The following INTU variants were observed in gnomAD, a reference collection of about 807,000 sequenced individuals.
INTU encodes the protein inturned planar cell polarity protein, also known as protein inturned.
INTU carries 68 observed loss-of-function variants against 100.5 expected under a neutral mutation model. The ratio of observed to expected loss-of-function variants is 0.68; its 90% CI spans 0.56 to 0.83. The LOEUF (loss-of-function observed/expected upper bound fraction) is 0.83, where lower values mean the gene tolerates loss of function less well. INTU is among the 40% of genes least tolerant of loss of function. The pLI is 0.00. For synonymous variants in INTU, 357 were observed against 395.7 expected, an observed-to-expected ratio of 0.90 and a Z score of 1.16; for missense variants, 1,071 against 1,114.7, an observed-to-expected ratio of 0.96 and a Z score of 0.56.
chr4:127,687,951 G>T, intron 8 of INTU, 84 bp downstream of exon 8: 1 of 963,056 alleles, frequency 1.0e-6, no homozygotes, highest in South Asian at 3.2e-5. Flanking sequence ...TAGACTTTTT[G>T]TTATTTTTGG....
intron 1 of INTU, among the ~76,000 whole-genome samples, chr4:127,633,660 G>A (rs1726943719): frequency 6.6e-6 from 1 of 152,088 alleles, no homozygotes; most frequent in African/African-American, 2.4e-5. Flanking sequence ...ATAACAGAAG[G>A]AACGCCCACC....
At chr4:127,714,671 A>G (rs1304052027) in intron 15 of INTU, among the ~76,000 whole-genome samples, 1 of 152,096 alleles carries the variant, frequency 6.6e-6, no homozygotes, top group Non-Finnish European at 1.5e-5. Flanking sequence ...TTCCCTCATC[A>G]AAGTGGCTAC....
intron 15 of INTU, 75 bp downstream of exon 15, chr4:127,714,168 T>C: frequency 8.0e-7 from 1 of 1,256,224 alleles, no homozygotes; most frequent in South Asian, 1.5e-5. Flanking sequence ...AGATTAACAT[T>C]TTAAAATGTA....
At position 127,705,610 on chromosome 4, in the gene INTU, A is replaced by G. The variant is rs754131817; in HGVS notation, c.1586A>G (p.His529Arg). 27 of 1,613,754 alleles carry G rather than the reference A, an allele frequency of 1.7e-5. No homozygotes were observed. Among genetic ancestry groups the G allele is most frequent in the Non-Finnish European group, 1.9e-5 (23 of 1,179,834 alleles). The change falls in exon 11 of 16, where the codon CAT (histidine) becomes CGT (arginine). Residue 529 changes from histidine to arginine, a missense_variant. Physicochemically the swap from His to Arg is conservative, Grantham distance 29 (BLOSUM62 0). Coordinates refer to ENST00000335251, the MANE Select transcript of INTU (RefSeq NM_015693.4). ...LFYKGYLICSHLPKDDLIDIA... is the reference protein window; with the variant it reads ...LFYKGYLICSRLPKDDLIDIA... ...TTCAAGGGTTATTTGATATGCAGTC[A>G]TTTGCCCAAGGATGATCTTATTGAT... is the stretch of plus-strand genomic sequence containing the variant.
chr4:127,676,323 C>A (rs1287014684), intron 6 of INTU, among the ~76,000 whole-genome samples: 1 of 152,126 alleles, frequency 6.6e-6, no homozygotes, highest in Non-Finnish European at 1.5e-5. Flanking sequence ...CAGTGGCTCA[C>A]ACCTATAATC....
chr4:127,705,500 CG>C (rs1168530556), intron 10 of INTU, 90 bp from the exon 11 acceptor site: 1 of 933,676 alleles, frequency 1.1e-6, no homozygotes. Flanking sequence ...TCTAAACCAA[CG>C]GAAGAAGTGT....
chr4:127,705,896 G>A (rs576923152), intron 11 of INTU, 84 bp downstream of exon 11: 40 of 907,006 alleles, frequency 4.4e-5, no homozygotes, highest in Non-Finnish European at 6.4e-5. Flanking sequence ...GGGATGCAGC[G>A]GTAGGTAGGT....
chr4:127,657,209 G>A (rs1728271897), intron 3 of INTU, among the ~76,000 whole-genome samples: 2 of 151,756 alleles, frequency 1.3e-5, no homozygotes, highest in East Asian at 1.9e-4. Flanking sequence ...GGCTACTTAA[G>A]GAATTATTTT....
chr4:127,724,822 A>T lies in INTU; in HGVS notation c.*8386A>T, dbSNP rs1468793196. 6.6e-5 allele frequency: 10 copies of T among 152,136 alleles called. No homozygotes were observed. Among genetic ancestry groups the T allele is most frequent in the Non-Finnish European group, 1.5e-4 (10 of 68,026 alleles). The allele number at this position is 152,136 out of a possible 1,614,324, so 9.4% of individuals were successfully genotyped here. The stretch of plus-strand genomic sequence containing the variant: ...TGCAAAACACTGGGTGTACCATTTG[A>T]GTCATTTGGTCTTAAAAGAAACACT... On this transcript the variant is annotated 3_prime_UTR_variant, in exon 16 of 16. Transcript: ENST00000335251.
At chr4:127,711,162 C>T in intron 14 of INTU, 60 bp downstream of exon 14, 1 of 1,251,640 alleles carries the variant, frequency 8.0e-7, no homozygotes, top group Non-Finnish European at 1.1e-6. Context: ...TCTAAGCATT[C>T]TGTTATCTAA....
At chr4:127,714,289 A>T (rs906392827) in intron 15 of INTU, among the ~76,000 whole-genome samples, 196 bp downstream of exon 15, 2 of 151,674 alleles carry the variant, frequency 1.3e-5, no homozygotes, top group African/African-American at 4.9e-5. Flanking sequence ...TATCTTACAA[A>T]ATTAAATTTC....
chr4:127,644,022 G>A lies in INTU; in HGVS notation c.648G>A (p.Gly216=), dbSNP rs758559870. 3 of 1,614,074 alleles carry A rather than the reference G, an allele frequency of 1.9e-6. No individual in the cohort carries two copies. Among genetic ancestry groups the A allele is most frequent in the Middle Eastern group, 1.7e-4 (1 of 6,058 alleles). The stretch of plus-strand genomic sequence containing the variant: ...TTGTGGTTCATGGCCTGCTGCCAGG[G>A]GGATCTGCTATGAAGAGCGGTCAGG... ...ERLVVHGLLP[G]GSAMKSGQVL... The change falls in exon 2 of 16, where the codon GGG becomes GGA. Residue 216 remains glycine (G), a synonymous_variant. Transcript: ENST00000335251.
intron 2 of INTU, among the ~76,000 whole-genome samples, chr4:127,656,314 T>C (rs1728220522): frequency 6.6e-6 from 1 of 152,234 alleles, no homozygotes; most frequent in Non-Finnish European, 1.5e-5. Flanking sequence ...TGGTTCATGC[T>C]AACAAATTTT....
chr4:127,640,963 G>A (rs950890103), intron 1 of INTU, among the ~76,000 whole-genome samples: 8 of 151,824 alleles, frequency 5.3e-5, no homozygotes, highest in Admixed American at 2.0e-4. Context: ...ACTCACAAAA[G>A]GATGCATGAA....
chr4:127,674,324 G>A (rs753267930), intron 6 of INTU, 111 bp downstream of exon 6: 11 of 801,958 alleles, frequency 1.4e-5, no homozygotes, highest in Middle Eastern at 2.6e-4. Flanking sequence ...CAGTTTTACA[G>A]TTTAAAGATC....
intron 2 of INTU, among the ~76,000 whole-genome samples, chr4:127,650,055 T>TACC (rs1297970367): frequency 1.3e-5 from 2 of 152,210 alleles, no homozygotes; most frequent in Non-Finnish European, 2.9e-5. Context: ...AGGAAATTTT[T>TACC]ACCAAACATG....
Position 127,710,910 on chromosome 4 carries a change from A to G in INTU, c.2370-3A>G. On this transcript the variant is annotated splice_polypyrimidine_tract_variant and splice_region_variant and intron_variant, in intron 13 of 15. Coordinates refer to ENST00000335251, the MANE Select transcript of INTU (RefSeq NM_015693.4). ...CTTCTCTTTGATTTTTTTTCTTTTT[A>G]AGACTGACATCTGGTCCTGAGAACA... The G allele has an allele frequency of 2.1e-6, 3 of 1,419,536 alleles. No individual in the cohort carries two copies. The highest frequency in any genetic ancestry group is 2.8e-6 in the Non-Finnish European group (3 of 1,072,722). The allele number at this position is 1,419,536 out of a possible 1,614,324, so 87.9% of individuals were successfully genotyped here. A position where few individuals can be genotyped will look rare whatever the true frequency, so the allele number is the denominator to read the frequency against.
At chr4:127,651,333 A>G (rs2126186387) in intron 2 of INTU, among the ~76,000 whole-genome samples, 1 of 151,918 alleles carries the variant, frequency 6.6e-6, no homozygotes, top group Admixed American at 6.5e-5. Flanking sequence ...GTTTTCTTCT[A>G]GGGTTTTTAT....
rs1046942448 is a variant in INTU, at chr4:127,721,934, G to A, written c.*5498G>A. The stretch of plus-strand genomic sequence containing the variant: ...ATATTCCCTTAGCTTGGTGAAGTTC[G>A]TTATTTCCCATCTTGGATGGATGAT... On this transcript the variant is annotated 3_prime_UTR_variant, in exon 16 of 16. Coordinates refer to ENST00000335251, the MANE Select transcript of INTU (RefSeq NM_015693.4). The A allele has an allele frequency of 2.6e-5, 4 of 152,154 alleles. No homozygotes were observed. Among genetic ancestry groups the A allele is most frequent in the Admixed American group, 6.5e-5 (1 of 15,282 alleles). 9.4% of individuals were successfully genotyped at this position (152,154 alleles called of 1,614,324 possible).
Sources: gnomAD v4.1 joint callset for allele counts (sites outside exome capture counted in the v4.1 genomes callset) on GRCh38, gnomAD v4.1.1 for gene constraint, MANE v1.5 for transcripts, NCBI Gene and HGNC (gene_info 2026-07-23, HGNC 2026-07-21) for gene names.